Variants in PCDHA12 observed in about 807,000 individuals in gnomAD.
PCDHA12 encodes protocadherin alpha-12.
In PCDHA12, 44 loss-of-function variants were observed where a neutral mutation model predicts 60.0. That is an observed-to-expected ratio of 0.73 (90% CI 0.58 to 0.94). The LOEUF (loss-of-function observed/expected upper bound fraction) is 0.94. Ranked by LOEUF, PCDHA12 falls within the 40% of genes least tolerant of loss-of-function variation. The probability of loss-of-function intolerance (pLI) is 0.00; values close to 1 mark genes in which losing one functional copy is unlikely to be tolerated. For missense variants in PCDHA12, 1,276 were observed against 1,239.7 expected (o/e 1.03, Z -0.44); for synonymous variants, 569 against 553.0 (o/e 1.03, Z -0.40).
intron 1 of PCDHA12, among the ~76,000 whole-genome samples, chr5:140,885,444 T>C (rs2060598536): frequency 1.3e-5 from 2 of 152,198 alleles, no homozygotes; most frequent in South Asian, 2.1e-4. Flanking sequence ...TGCAATTATA[T>C]ATTATTTACC....
At chr5:140,967,135 G>A in intron 1 of PCDHA12, 1 of 1,611,752 alleles carries the variant, frequency 6.2e-7, no homozygotes, top group South Asian at 1.1e-5. Context: ...GCTTGGAAGT[G>A]CTGGCGCACA....
chr5:140,988,623 T>C (rs147544785), intron 3 of PCDHA12, among the ~76,000 whole-genome samples: 188 of 152,312 alleles, frequency 1.2e-3, no homozygotes, highest in African/African-American at 3.6e-3. Context: ...AGAATGGAGA[T>C]GTCCTGGTTT....
intron 1 of PCDHA12, among the ~76,000 whole-genome samples, chr5:140,953,706 G>A (rs1464812227): frequency 1.3e-5 from 2 of 152,144 alleles, no homozygotes; most frequent in Non-Finnish European, 1.5e-5. Context: ...ACTAGACTGA[G>A]CTTCAGACAT....
intron 1 of PCDHA12, chr5:140,966,944 A>C: frequency 6.2e-7 from 1 of 1,603,894 alleles, no homozygotes; most frequent in Non-Finnish European, 8.5e-7. Context: ...GCTCGTGGGC[A>C]ACGTGGCTCG....
chr5:141,001,913 C>T (rs545106723), intron 3 of PCDHA12, among the ~76,000 whole-genome samples: 2 of 152,296 alleles, frequency 1.3e-5, no homozygotes, highest in South Asian at 2.1e-4. Flanking sequence ...AAAAAGACTG[C>T]AGTGGCTGAC....
chr5:140,879,097 G>T (rs2057851255), intron 1 of PCDHA12, among the ~76,000 whole-genome samples: 1 of 152,214 alleles, frequency 6.6e-6, no homozygotes, highest in Non-Finnish European at 1.5e-5. Flanking sequence ...CAACTGCACA[G>T]TATATGGTGT....
chr5:140,878,011 A>G (rs1008308579), intron 1 of PCDHA12, 172 bp downstream of exon 1: 1 of 843,992 alleles, frequency 1.2e-6, no homozygotes, highest in Non-Finnish European at 1.7e-6. Flanking sequence ...TCTAACATTA[A>G]TGAAGGAAAT....
In PCDHA12 at chr5:141,006,011, G is replaced by A. The variant is rs146101776; in HGVS notation, c.2516-3616G>A. Among the ~76,000 whole-genome samples the A allele has an allele frequency of 2.7e-3, 408 of 151,544 alleles. 2 individuals carry two copies. Among genetic ancestry groups the A allele is most frequent in the African/African-American group, 8.8e-3 (365 of 41,422 alleles). Reference sequence around the variant, plus strand: ...GAGGATCTGAAAGAAGGCCTGTATGGTTGGAGTATAATAGTAAGAGGGAGA... The same window carrying A: ...GAGGATCTGAAAGAAGGCCTGTATGATTGGAGTATAATAGTAAGAGGGAGA... On this transcript the variant is annotated intron_variant, in intron 3 of 3. Coordinates refer to ENST00000398631, the MANE Select transcript of PCDHA12 (RefSeq NM_018903.4).
chr5:140,982,354 A>G, intron 2 of PCDHA12, 121 bp from the exon 3 acceptor site: 2 of 1,512,522 alleles, frequency 1.3e-6, no homozygotes, highest in East Asian at 2.4e-5. Flanking sequence ...CAGTTCAAGC[A>G]TGAGCAGAAT....
At chr5:140,924,872 G>C (rs1161649938) in intron 1 of PCDHA12, among the ~76,000 whole-genome samples, 1 of 149,350 alleles carries the variant, frequency 6.7e-6, no homozygotes, top group Non-Finnish European at 1.5e-5. Context: ...TCCAGCCTGG[G>C]TGACAGAGCA....
intron 1 of PCDHA12, chr5:140,967,771 G>A (rs1554229926): frequency 1.2e-6 from 2 of 1,614,222 alleles, no homozygotes; most frequent in Non-Finnish European, 1.7e-6. Context: ...AGATCTATGT[G>A]CAGGCGACTG....
chr5:140,963,771 GA>G (rs1459827253), intron 1 of PCDHA12, among the ~76,000 whole-genome samples: 2 of 152,164 alleles, frequency 1.3e-5, no homozygotes, highest in African/African-American at 4.8e-5. Context: ...ATTTCATGAC[GA>G]CAGCAACAAC....
At chr5:140,919,222 C>G (rs1367427149) in intron 1 of PCDHA12, among the ~76,000 whole-genome samples, 3 of 152,144 alleles carry the variant, frequency 2.0e-5, no homozygotes, top group African/African-American at 7.2e-5. Flanking sequence ...TTCTTGATTT[C>G]TAGTAACACT....
intron 1 of PCDHA12, among the ~76,000 whole-genome samples, chr5:140,953,275 C>G (rs1290645865): frequency 6.6e-6 from 1 of 152,074 alleles, no homozygotes; most frequent in African/African-American, 2.4e-5. Context: ...AGCCTTTGCT[C>G]TTTATATGTG....
chr5:140,990,729 C>G (rs2097409512), intron 3 of PCDHA12, among the ~76,000 whole-genome samples: 1 of 152,134 alleles, frequency 6.6e-6, no homozygotes, highest in Non-Finnish European at 1.5e-5. Flanking sequence ...CTAGGTATAT[C>G]AACAGCCCTA....
In PCDHA12 at chr5:140,886,468, T is replaced by C. The variant is rs138596929; in HGVS notation, c.2367+8629T>C. The stretch of plus-strand genomic sequence containing the variant: ...TAATTTTGTCATATATAAATGTTTT[T>C]AAAATGTATGAATTAAAATATATCT... On this transcript the variant is annotated intron_variant, in intron 1 of 3. Coordinates refer to ENST00000398631, the MANE Select transcript of PCDHA12 (RefSeq NM_018903.4). Among the ~76,000 whole-genome samples, 1,063 of 152,318 alleles carry C rather than the reference T, an allele frequency of 7.0e-3. 10 individuals carry two copies. Among genetic ancestry groups the C allele is most frequent in the Non-Finnish European group, 0.012 (787 of 68,024 alleles).
rs1053041034 is a variant in PCDHA12 at position 141,011,123 on chromosome 5, T to G, written c.*1186T>G. ...CTCTCTCTTTTCTAAGAAACAATTA[T>G]GTGCACTTTGATACACAACCTTCTC... is the stretch of plus-strand genomic sequence containing the variant. On this transcript the variant is annotated 3_prime_UTR_variant, in exon 4 of 4. Coordinates refer to ENST00000398631, the MANE Select transcript of PCDHA12 (RefSeq NM_018903.4). 3 of 153,884 alleles carry G rather than the reference T, an allele frequency of 1.9e-5. No homozygotes were observed. The Admixed American group carries it at 2.0e-4, about 10-fold the overall frequency. The allele number at this position is 153,884 out of a possible 1,614,324, so 9.5% of individuals were successfully genotyped here.
chr5:140,971,568 G>C (rs2096486593), intron 1 of PCDHA12, among the ~76,000 whole-genome samples: 1 of 152,074 alleles, frequency 6.6e-6, no homozygotes, highest in African/African-American at 2.4e-5. Flanking sequence ...CCCATGTTGG[G>C]CTTTCTTTTT....
intron 1 of PCDHA12, among the ~76,000 whole-genome samples, chr5:140,976,583 G>A (rs1360171256): frequency 8.6e-5 from 13 of 151,966 alleles, no homozygotes; most frequent in African/African-American, 3.1e-4. Flanking sequence ...ATAAAACACA[G>A]ACTTTTGTGT....
Sources: gnomAD v4.1 joint callset for allele counts (sites outside exome capture counted in the v4.1 genomes callset) on GRCh38, gnomAD v4.1.1 for gene constraint, MANE v1.5 for transcripts, NCBI Gene and HGNC (gene_info 2026-07-23, HGNC 2026-07-21) for gene names.